RNF130: variants seen among roughly 807,000 people sequenced by gnomAD.
RNF130 encodes ring finger protein 130.
A neutral mutation model predicts 44.6 loss-of-function variants in RNF130; 21 were observed. That is an observed-to-expected ratio of 0.47 (90% CI 0.33 to 0.68). The LOEUF (loss-of-function observed/expected upper bound fraction) is 0.68, where lower values mean the gene tolerates loss of function less well. RNF130 is among the 30% of genes least tolerant of loss of function. The probability of loss-of-function intolerance (pLI) is 0.02; values close to 1 mark genes in which losing one functional copy is unlikely to be tolerated. For missense variants in RNF130, 479 were observed against 560.6 expected, an observed-to-expected ratio of 0.85 and a Z score of 1.47; for synonymous variants, 214 against 210.4, an observed-to-expected ratio of 1.02 and a Z score of -0.15.
At chr5:179,989,544 T>C (rs1763031377) in intron 3 of RNF130, among the ~76,000 whole-genome samples, 1 of 152,230 alleles carries the variant, frequency 6.6e-6, no homozygotes, top group Admixed American at 6.5e-5. Flanking sequence ...ACGTCTGTTT[T>C]ATCTGGCATA....
intron 3 of RNF130, among the ~76,000 whole-genome samples, chr5:179,984,190 C>T (rs867803296): frequency 7.2e-5 from 11 of 152,234 alleles, no homozygotes; most frequent in Non-Finnish European, 1.0e-4. Flanking sequence ...ATCTTCTACA[C>T]GAAATTTCTA....
intron 1 of RNF130, among the ~76,000 whole-genome samples, chr5:180,042,349 T>C (rs1216784163): frequency 6.6e-6 from 1 of 152,190 alleles, no homozygotes; most frequent in Non-Finnish European, 1.5e-5. Context: ...TTTCACAATT[T>C]TTCATGATTG....
At chr5:179,949,108 G>A (rs1762087479) in intron 7 of RNF130, among the ~76,000 whole-genome samples, 1 of 151,938 alleles carries the variant, frequency 6.6e-6, no homozygotes, top group South Asian at 2.1e-4. Flanking sequence ...TGGGATTACA[G>A]GCATGTGCCA....
chr5:180,070,983 C>A (rs929450776), intron 1 of RNF130, among the ~76,000 whole-genome samples: 5 of 26,602 alleles, frequency 1.9e-4, no homozygotes, highest in Admixed American at 6.1e-4. Flanking sequence ...CCATTTACAC[C>A]CCCCCCCCAA....
intron 7 of RNF130, among the ~76,000 whole-genome samples, chr5:179,930,468 T>C (rs2113675615): frequency 6.6e-6 from 1 of 152,366 alleles, no homozygotes; most frequent in South Asian, 2.1e-4. Context: ...ATTTTCTACA[T>C]GTAATCGTTT....
chr5:180,060,069 G>C (rs1764937082), intron 1 of RNF130, among the ~76,000 whole-genome samples: 1 of 152,124 alleles, frequency 6.6e-6, no homozygotes, highest in African/African-American at 2.4e-5. Flanking sequence ...ATGGGGGAAG[G>C]GGCCATGGGC....
chr5:179,991,268 T>A (rs1397670845), intron 3 of RNF130, among the ~76,000 whole-genome samples: 3 of 152,210 alleles, frequency 2.0e-5, no homozygotes, highest in Non-Finnish European at 4.4e-5. Context: ...AGCAATCTGA[T>A]GACTATATGT....
Position 179,974,061 on chromosome 5 carries a change from TTGC to T in RNF130, c.849-3558_849-3556del, listed in dbSNP as rs1444196370. 2.6e-5 allele frequency among the ~76,000 whole-genome samples: 4 copies of T among 152,092 alleles called. No homozygotes were observed. In the East Asian group the frequency reaches 7.8e-4, roughly 29 times the overall value. The stretch of plus-strand genomic sequence containing the variant: ...GGGAGGCCTCTATATTGAAGGTGAG[TTGC>T]TCTCACAGCTCTGCAGCCTCTTGGT... On this transcript the variant is annotated intron_variant, in intron 5 of 8. Transcript: ENST00000521389.
At chr5:179,992,858 A>G (rs1490250787) in intron 3 of RNF130, among the ~76,000 whole-genome samples, 1 of 152,144 alleles carries the variant, frequency 6.6e-6, no homozygotes. Context: ...ATATCTCCTA[A>G]TGCTATCCCT....
intron 2 of RNF130, among the ~76,000 whole-genome samples, chr5:180,029,465 A>T (rs915243335): frequency 3.9e-5 from 6 of 152,252 alleles, no homozygotes; most frequent in Non-Finnish European, 8.8e-5. Flanking sequence ...GTGCTCAAAG[A>T]AAAAGGATAA....
intron 2 of RNF130, among the ~76,000 whole-genome samples, chr5:180,027,523 C>T (rs2113116119): frequency 6.6e-6 from 1 of 152,304 alleles, no homozygotes; most frequent in Non-Finnish European, 1.5e-5. Context: ...TGTGTGTTCT[C>T]TGTGCTACTT....
Position 179,998,859 on chromosome 5 carries a change from T to TATATATA in RNF130, c.693+14201_693+14202insTATATAT, listed in dbSNP as rs1554103680. 5.0e-3 allele frequency among the ~76,000 whole-genome samples: 447 copies of TATATATA among 88,686 alleles called. 13 individuals carry two copies. The highest frequency in any genetic ancestry group is 0.018 in the East Asian group (55 of 3,092). 58.2% of individuals were successfully genotyped at this position (88,686 alleles called of 152,430 possible). On this transcript the variant is annotated intron_variant, in intron 3 of 8. Transcript: ENST00000521389. ...TCTCTCTCTTTAGATCTAGTATTTTTTATATATATATATATATATATATAT... is the reference window on the plus strand; with the variant it reads ...TCTCTCTCTTTAGATCTAGTATTTTTATATATATATATATATATATATATATATATAT...
At chr5:179,981,787 C>T (rs1762847033) in intron 3 of RNF130, among the ~76,000 whole-genome samples, 1 of 152,242 alleles carries the variant, frequency 6.6e-6, no homozygotes, top group Non-Finnish European at 1.5e-5. Context: ...AATCAAGATA[C>T]AAAATCCACA....
At chr5:180,004,986 C>A (rs961524330) in intron 3 of RNF130, among the ~76,000 whole-genome samples, 7 of 152,174 alleles carry the variant, frequency 4.6e-5, no homozygotes, top group Non-Finnish European at 8.8e-5. Flanking sequence ...CACCATCTGC[C>A]TGTGCCCAGA....
intron 2 of RNF130, among the ~76,000 whole-genome samples, chr5:180,039,240 T>C (rs1032125898): frequency 2.0e-5 from 3 of 152,148 alleles, no homozygotes; most frequent in Non-Finnish European, 4.4e-5. Context: ...CTTACTTCTT[T>C]TCTTTTCTTT....
At chr5:179,926,872 G>A (rs752476594) in intron 7 of RNF130, among the ~76,000 whole-genome samples, 23 of 152,128 alleles carry the variant, frequency 1.5e-4, no homozygotes, top group Non-Finnish European at 1.3e-4. Context: ...GGTAGACAGC[G>A]TTGGAACTGA....
At chr5:179,917,384 A>G (rs1761567200) in exon 8 of RNF130, 1 of 152,356 alleles carries the variant, frequency 6.6e-6, no homozygotes, top group South Asian at 2.1e-4. Context: ...TGGTGTAAAT[A>G]GCTGACTCCT....
chr5:179,944,468 A>T (rs973530532), intron 7 of RNF130, among the ~76,000 whole-genome samples: 6 of 150,338 alleles, frequency 4.0e-5, no homozygotes, highest in Admixed American at 2.6e-4. Flanking sequence ...TTTATTTTTT[A>T]TTTTTTATTT....
At chr5:180,015,174 C>A in intron 2 of RNF130, 1 of 307,072 alleles carries the variant, frequency 3.3e-6, no homozygotes, top group East Asian at 7.0e-5. Flanking sequence ...TAATTAATAT[C>A]TAATTACCTT....
Sources: gnomAD v4.1 joint callset for allele counts (sites outside exome capture counted in the v4.1 genomes callset) on GRCh38, gnomAD v4.1.1 for gene constraint, MANE v1.5 for transcripts, NCBI Gene and HGNC (gene_info 2026-07-23, HGNC 2026-07-21) for gene names.